Variants in REV1 observed in about 807,000 individuals in gnomAD.
The protein encoded by REV1 is translesion synthesis protein REV1.
Under a neutral mutation model 137.4 loss-of-function variants are expected in REV1, and 42 were observed. The ratio of observed to expected loss-of-function variants is 0.31; its 90% CI spans 0.24 to 0.40. The LOEUF is 0.40. REV1 is among the 10% of genes least tolerant of loss of function. The pLI is 1.00. For missense variants in REV1, 1,282 were observed against 1,490.1 expected (o/e 0.86, Z 2.30); for synonymous variants, 524 against 519.2 (o/e 1.01, Z -0.12).
At chr2:99,433,132 C>T (rs918096522) in intron 8 of REV1, among the ~76,000 whole-genome samples, 11 of 152,034 alleles carry the variant, frequency 7.2e-5, no homozygotes, top group Non-Finnish European at 1.5e-5. Context: ...TTCTTATTTT[C>T]TAGAACTTAA....
chr2:99,435,672 T>C, intron 7 of REV1, 162 bp downstream of exon 7: 1 of 496,114 alleles, frequency 2.0e-6, no homozygotes. Context: ...AGAAAAACTC[T>C]AATTTCCCTA....
chr2:99,475,239 G>A (rs1006561029), intron 1 of REV1, among the ~76,000 whole-genome samples: 3 of 152,150 alleles, frequency 2.0e-5, no homozygotes, highest in East Asian at 1.9e-4. Context: ...TGGCTGGAAC[G>A]GGACCTCACA....
At chr2:99,439,578 TTTTG>T (rs1034279626) in intron 5 of REV1, among the ~76,000 whole-genome samples, 7 of 152,312 alleles carry the variant, frequency 4.6e-5, no homozygotes, top group East Asian at 1.9e-4. Context: ...TTTAGGTGTT[TTTTG>T]TTTGTTTTTT....
In REV1 at chr2:99,406,064, C is replaced by A; in HGVS notation, c.2657G>T (p.Arg886Ile). Reference protein sequence around the residue: ...AVDLEISSASRTCTFLPPFPA... With the variant: ...AVDLEISSASITCTFLPPFPA... ...AAAAGGTGGCAAGAAAGTGCAAGTT[C>A]TAGAAGCAGATGATATTTCCAGATC... The change falls in exon 17 of 23, where the codon AGA becomes ATA. Residue 886 changes from arginine (R) to isoleucine (I), a missense_variant. Around this residue, in one of 7 missense-constraint regions of REV1, gnomAD observed 372 missense variants for 482.3 expected, o/e 0.77. Coordinates refer to ENST00000258428, the MANE Select transcript of REV1 (RefSeq NM_016316.4). The A allele has an allele frequency of 6.2e-7, 1 of 1,613,662 alleles. No homozygotes were observed. Among genetic ancestry groups the A allele is most frequent in the East Asian group, 2.2e-5 (1 of 44,874 alleles).
At chr2:99,483,108 A>G (rs1441804371) in intron 1 of REV1, among the ~76,000 whole-genome samples, 2 of 152,110 alleles carry the variant, frequency 1.3e-5, no homozygotes, top group Non-Finnish European at 2.9e-5. Context: ...AGAACTGTCC[A>G]GGTTAAATGC....
chr2:99,402,214 TCCCA>T, intron 22 of REV1, 26 bp downstream of exon 22: 1 of 941,732 alleles, frequency 1.1e-6, no homozygotes, highest in Admixed American at 2.5e-5. Flanking sequence ...TGCCATTTTT[TCCCA>T]TTTGATAAAA....
intron 13 of REV1, among the ~76,000 whole-genome samples, chr2:99,411,468 A>G (rs1677136395): frequency 6.8e-6 from 1 of 147,556 alleles, no homozygotes; most frequent in Non-Finnish European, 1.5e-5. Context: ...GTGCAATAGC[A>G]TGATCTCGGC....
chr2:99,474,556 G>C (rs1183440781), intron 1 of REV1, among the ~76,000 whole-genome samples: 2 of 152,124 alleles, frequency 1.3e-5, no homozygotes, highest in African/African-American at 4.8e-5. Context: ...CAAAACTAAG[G>C]AAGAAAACAG....
rs561605251 is a variant in REV1 at position 99,462,798 on chromosome 2, G to T, written c.55-176C>A. 8.1e-5 allele frequency: 50 copies of T among 617,782 alleles called. 1 individual carries two copies. The East Asian group carries it at 1.5e-3, about 19-fold the overall frequency. The allele number at this position is 617,782 out of a possible 1,614,324, so 38.3% of individuals were successfully genotyped here. A position where few individuals can be genotyped will look rare whatever the true frequency, so the allele number is the denominator to read the frequency against. The stretch of plus-strand genomic sequence containing the variant: ...TAAGGCAAGGCAATAAATAAAACAG[G>T]AAAGTTGGGCCGGGCGCAGTGGCTC... On this transcript the variant is annotated intron_variant, in intron 2 of 22. Coordinates refer to ENST00000258428, the MANE Select transcript of REV1 (RefSeq NM_016316.4).
intron 3 of REV1, among the ~76,000 whole-genome samples, chr2:99,458,177 C>A (rs542219335): frequency 6.6e-6 from 1 of 152,012 alleles, no homozygotes; most frequent in Non-Finnish European, 1.5e-5. Context: ...GGAGAAAATA[C>A]CTGCAAACCA....
Position 99,412,780 on chromosome 2 carries a change from T to C in REV1, c.2123A>G (p.Glu708Gly), listed in dbSNP as rs762504516. Residue 708 changes from glutamate to glycine, a missense_variant, in exon 13 of 23, where the codon GAA (glutamate) becomes GGA (glycine). Physicochemically the swap from Glu to Gly is moderately conservative, Grantham distance 98. This residue lies in a region of REV1 where 372 missense variants were observed against 482.3 expected (regional missense o/e 0.77). Coordinates refer to ENST00000258428, the MANE Select transcript of REV1 (RefSeq NM_016316.4). ...LDDRPVRTEK[E>G]RKSVSAEINY... The stretch of plus-strand genomic sequence containing the variant: ...GATCTCAGCTGAAACAGATTTTCTT[T>C]CCTTTTCAGTTCGAACTGGTCTATC... 2.5e-6 allele frequency: 4 copies of C among 1,614,172 alleles called. No homozygotes were observed. The highest frequency in any genetic ancestry group is 3.3e-5 in the Admixed American group (2 of 60,016).
At position 99,403,702 on chromosome 2, in the gene REV1, G is replaced by A. The variant is rs369368558; in HGVS notation, c.3159C>T (p.Ser1053=). The stretch of plus-strand genomic sequence containing the variant: ...GCCACTTCCAAGGCTCACCAGATGC[G>A]CTGGCTGACTGCTGGTGAGTGCTGT... The part of the protein sequence containing the change: ...GENSTHQQSA[S]ASVPKNPLLH... Residue 1053 remains serine, a synonymous_variant, in exon 19 of 23, where the codon AGC becomes AGT. Coordinates refer to ENST00000258428, the MANE Select transcript of REV1 (RefSeq NM_016316.4). The A allele has an allele frequency of 1.2e-5, 20 of 1,613,966 alleles. No individual in the cohort carries two copies. In the East Asian group the frequency reaches 1.6e-4, roughly 13 times the overall value.
intron 6 of REV1, among the ~76,000 whole-genome samples, chr2:99,437,288 A>G (rs1680888002): frequency 6.6e-6 from 1 of 152,016 alleles, no homozygotes; most frequent in East Asian, 1.9e-4. Flanking sequence ...CAGCCTGCTC[A>G]TGTATTCTTA....
Position 99,424,207 on chromosome 2 carries a change from A to T in REV1, c.1621T>A (p.Tyr541Asn). ...ACTTCCTTATATGCATGAAAATCGT[A>T]TGGAACAGCTTGAAGATTAGGACAT... ...QLCPNLQAVP[Y>N]DFHAYKEVAQ... is the part of the protein sequence containing the mutation. The change falls in exon 10 of 23, where the codon TAC becomes AAC. Residue 541 changes from tyrosine to asparagine, a missense_variant. This residue lies in a region of REV1 where 372 missense variants were observed against 482.3 expected (regional missense o/e 0.77). Coordinates refer to ENST00000258428, the MANE Select transcript of REV1 (RefSeq NM_016316.4). 6.2e-7 allele frequency: 1 copy of T among 1,614,066 alleles called. No individual in the cohort carries two copies. The highest frequency in any genetic ancestry group is 8.5e-7 in the Non-Finnish European group (1 of 1,179,914).
intron 13 of REV1, among the ~76,000 whole-genome samples, chr2:99,411,476 G>T (rs1341653181): frequency 6.8e-6 from 1 of 147,324 alleles, no homozygotes; most frequent in African/African-American, 2.5e-5. Context: ...GCATGATCTC[G>T]GCTCACTGCA....
At chr2:99,410,156 G>A (rs998088936) in intron 14 of REV1, among the ~76,000 whole-genome samples, 11 of 151,920 alleles carry the variant, frequency 7.2e-5, no homozygotes, top group Non-Finnish European at 1.5e-4. Flanking sequence ...GACTACAGGC[G>A]AATGCCACCA....
intron 16 of REV1, 80 bp downstream of exon 16, chr2:99,406,245 G>T: frequency 6.8e-7 from 1 of 1,464,042 alleles, no homozygotes; most frequent in Non-Finnish European, 9.2e-7. Context: ...ACATAAAGCT[G>T]TGTCAATTTT....
At chr2:99,429,359 A>C (rs1465158186) in intron 9 of REV1, among the ~76,000 whole-genome samples, 1 of 152,194 alleles carries the variant, frequency 6.6e-6, no homozygotes, top group Non-Finnish European at 1.5e-5. Flanking sequence ...CACTCTTAAC[A>C]CTTTTAAGTG....
In REV1 at chr2:99,421,588, G is replaced by A. The variant is rs202121589; in HGVS notation, c.1742C>T (p.Ala581Val). ...TTCATCAGGAGTAAGTTTGGTCTCT[G>A]CAAGGATTTCGGTAATGTCTACCAG... is the stretch of plus-strand genomic sequence containing the variant. ...EALVDITEIL[A>V]ETKLTPDEFA... Residue 581 changes from alanine (A) to valine (V), a missense_variant, in exon 11 of 23, where the codon GCA becomes GTA. By Grantham distance (64) the Ala-to-Val change is moderately conservative (BLOSUM62 0). This residue lies in a region of REV1 where 372 missense variants were observed against 482.3 expected (regional missense o/e 0.77). Coordinates refer to ENST00000258428, the MANE Select transcript of REV1 (RefSeq NM_016316.4). 5.6e-6 allele frequency: 9 copies of A among 1,614,122 alleles called. No individual in the cohort carries two copies. The highest frequency in any genetic ancestry group is 1.3e-5 in the African/African-American group (1 of 75,044).
Sources: allele counts gnomAD v4.1 joint callset (sites outside exome capture counted in the v4.1 genomes callset), GRCh38; gene constraint gnomAD v4.1.1; regional missense constraint gnomAD v4.1.1; transcripts MANE v1.5; gene names NCBI Gene and HGNC (gene_info 2026-07-23, HGNC 2026-07-21).